The following UBE3A variants were observed in gnomAD, a reference collection of about 807,000 sequenced individuals.
UBE3A encodes the protein ubiquitin protein ligase E3A.
UBE3A carries 6 observed loss-of-function variants against 83.4 expected under a neutral mutation model. The ratio of observed to expected loss-of-function variants is 0.07; its 90% CI spans 0.04 to 0.14. UBE3A has a LOEUF of 0.14. Among genes scored for constraint, UBE3A ranks in the 10% least tolerant of loss-of-function variants. The pLI is 1.00. For synonymous variants in UBE3A, 337 were observed against 355.4 expected, an observed-to-expected ratio of 0.95 and a Z score of 0.58; for missense variants, 456 against 1,036.1, an observed-to-expected ratio of 0.44 and a Z score of 7.69.
chr15:25,415,787 A>T (rs2090775340), intron 1 of UBE3A: 1 of 148,160 alleles, frequency 6.7e-6, no homozygotes, highest in South Asian at 2.1e-4. Context: ...CATCTCTTCC[A>T]TATTTTACTT....
intron 4 of UBE3A, among the ~76,000 whole-genome samples, chr15:25,400,314 T>C (rs1384114349): frequency 2.0e-5 from 3 of 152,196 alleles, no homozygotes; most frequent in Admixed American, 1.3e-4. Context: ...GATGCTCAAG[T>C]CCATTATATA....
rs530054948 is a variant in UBE3A, at chr15:25,338,339, A to T, written c.*798T>A. ...AAACAACAACGAGAACAACAAGAAC[A>T]AAAATCCCTGTCCTTTCATATACTA... is the stretch of plus-strand genomic sequence containing the variant. On this transcript the variant is annotated 3_prime_UTR_variant, in exon 13 of 13. Transcript: ENST00000648336. 1 of 149,818 alleles carries T rather than the reference A, an allele frequency of 6.7e-6. No homozygotes were observed. Among genetic ancestry groups the T allele is most frequent in the Admixed American group, 7.0e-5 (1 of 14,210 alleles). 9.3% of individuals were successfully genotyped at this position (149,818 alleles called of 1,614,324 possible).
chr15:25,367,255 TTG>T (rs2079418378), intron 6 of UBE3A, among the ~76,000 whole-genome samples: 1 of 79,468 alleles, frequency 1.3e-5, no homozygotes, highest in Admixed American at 1.2e-4. Context: ...ATTTGCATAT[TTG>T]TAAATATGTA....
chr15:25,344,901 T>C (rs943178429), intron 11 of UBE3A, among the ~76,000 whole-genome samples: 1 of 152,176 alleles, frequency 6.6e-6, no homozygotes, highest in East Asian at 1.9e-4. Context: ...GAAAATCAGG[T>C]GAAGGGCAGG....
intron 11 of UBE3A, among the ~76,000 whole-genome samples, chr15:25,343,566 C>T (rs2075215822): frequency 6.6e-6 from 1 of 151,876 alleles, no homozygotes; most frequent in African/African-American, 2.4e-5. Context: ...AATTAAAAAA[C>T]AAAGAAAATG....
intron 11 of UBE3A, among the ~76,000 whole-genome samples, chr15:25,341,766 A>G (rs1431448698): frequency 6.7e-6 from 1 of 148,832 alleles, no homozygotes; most frequent in Non-Finnish European, 1.5e-5. Flanking sequence ...TCTCAAAAAA[A>G]AAAAAAAATT....
Position 25,439,011 on chromosome 15 carries a change from A to T in UBE3A, c.-687T>A, listed in dbSNP as rs997118487. 2 of 151,968 alleles carry T rather than the reference A, an allele frequency of 1.3e-5. No homozygotes were observed. The highest frequency in any genetic ancestry group is 4.8e-5 in the African/African-American group (2 of 41,384). The allele number at this position is 151,968 out of a possible 1,614,324, so 9.4% of individuals were successfully genotyped here. On this transcript the variant is annotated 5_prime_UTR_variant, in exon 1 of 13. Transcript: ENST00000648336. ...CACACGGATCTCGCGGCCGCGGCGCAAGACGGGAGGACTGGCTGGGCGGGC... is the reference window on the plus strand; with the variant it reads ...CACACGGATCTCGCGGCCGCGGCGCTAGACGGGAGGACTGGCTGGGCGGGC...
chr15:25,393,488 CTT>C (rs888397835), intron 4 of UBE3A, among the ~76,000 whole-genome samples: 9 of 152,114 alleles, frequency 5.9e-5, no homozygotes, highest in African/African-American at 4.8e-5. Flanking sequence ...TTGTTAATCT[CTT>C]TTGGGTTTGA....
intron 1 of UBE3A, among the ~76,000 whole-genome samples, chr15:25,424,365 T>C (rs1205064255): frequency 6.6e-6 from 1 of 152,272 alleles, no homozygotes; most frequent in Admixed American, 6.5e-5. Context: ...ACCATTTCAG[T>C]GAAGTTTTCT....
intron 5 of UBE3A, among the ~76,000 whole-genome samples, chr15:25,372,068 T>G (rs2080384157): frequency 6.6e-6 from 1 of 152,172 alleles, no homozygotes; most frequent in South Asian, 2.1e-4. Context: ...TAACTCTTAA[T>G]AAGATCATGA....
intron 1 of UBE3A, among the ~76,000 whole-genome samples, chr15:25,420,186 A>C (rs1431517066): frequency 6.6e-6 from 1 of 152,174 alleles, no homozygotes; most frequent in African/African-American, 2.4e-5. Flanking sequence ...GCAAAAATTA[A>C]TCATAAGAAA....
chr15:25,405,368 A>T, intron 4 of UBE3A, 93 bp downstream of exon 4: 1 of 1,419,876 alleles, frequency 7.0e-7, no homozygotes, highest in Non-Finnish European at 9.9e-7. Context: ...CCTTTCTTTT[A>T]ACCAGAAATT....
At chr15:25,409,067 T>A (rs1266423451) in intron 3 of UBE3A, 21 bp downstream of exon 3, 2 of 1,581,022 alleles carry the variant, frequency 1.3e-6, no homozygotes, top group Non-Finnish European at 1.7e-6. Flanking sequence ...TTTTAAAGGC[T>A]GTAAAATAAT....
At chr15:25,427,919 A>T (rs1412873761) in intron 1 of UBE3A, among the ~76,000 whole-genome samples, 1 of 152,072 alleles carries the variant, frequency 6.6e-6, no homozygotes, top group Non-Finnish European at 1.5e-5. Flanking sequence ...TAAGAATAAA[A>T]CCCTGTAATT....
chr15:25,348,190 TG>T (rs2152575184), intron 11 of UBE3A, among the ~76,000 whole-genome samples: 1 of 151,868 alleles, frequency 6.6e-6, no homozygotes, highest in East Asian at 1.9e-4. Context: ...TCAAAATAAA[TG>T]AAACAAAACC....
At chr15:25,393,361 TTTATA>T (rs764558699) in intron 4 of UBE3A, among the ~76,000 whole-genome samples, 46 of 152,302 alleles carry the variant, frequency 3.0e-4, no homozygotes, top group African/African-American at 8.9e-4. Flanking sequence ...AAGTGATTTA[TTTATA>T]TTATATCACT....
chr15:25,371,993 T>C lies in UBE3A; in HGVS notation c.362-181A>G, dbSNP rs1278861478. Among the ~76,000 whole-genome samples, 1 of 152,184 alleles carries C rather than the reference T, an allele frequency of 6.6e-6. No individual in the cohort carries two copies. Among genetic ancestry groups the C allele is most frequent in the Non-Finnish European group, 1.5e-5 (1 of 68,022 alleles). On this transcript the variant is annotated intron_variant, in intron 5 of 12. Coordinates refer to ENST00000648336, the MANE Select transcript of UBE3A (RefSeq NM_130839.5). This position sits in a 1 kb window ranked among gnomAD's most constrained non-coding sequence, Gnocchi z 5.3. ...ACAAAATTTAATGCTTACCTATTTT[T>C]TTCAATGAACTACCTACCTATACCA...
At position 25,334,086 on chromosome 15, in the gene UBE3A, G is replaced by T. The variant is rs2073848517; in HGVS notation, c.*5051C>A. 1 of 152,028 alleles carries T rather than the reference G, an allele frequency of 6.6e-6. No individual in the cohort carries two copies. Among genetic ancestry groups the T allele is most frequent in the Non-Finnish European group, 1.5e-5 (1 of 68,028 alleles). The allele number at this position is 152,028 out of a possible 1,614,324, so 9.4% of individuals were successfully genotyped here. A position where few individuals can be genotyped will look rare whatever the true frequency, so the allele number is the denominator to read the frequency against. ...TTCTATCCAATATTGTACTGGAGGTGCTAGCCAGCACACTAAGGCAAGAAA... is the reference window on the plus strand; with the variant it reads ...TTCTATCCAATATTGTACTGGAGGTTCTAGCCAGCACACTAAGGCAAGAAA... On this transcript the variant is annotated 3_prime_UTR_variant, in exon 13 of 13. Transcript: ENST00000648336.
intron 4 of UBE3A, among the ~76,000 whole-genome samples, chr15:25,402,188 T>C (rs1251398017): frequency 6.6e-6 from 1 of 152,206 alleles, no homozygotes; most frequent in Non-Finnish European, 1.5e-5. Flanking sequence ...AGTGACTTTA[T>C]TGGGTAAAGC....
Sources: gnomAD v4.1 joint callset for allele counts (sites outside exome capture counted in the v4.1 genomes callset) on GRCh38, gnomAD v4.1.1 for gene constraint, Gnocchi (gnomAD v3.1) non-coding constraint, MANE v1.5 for transcripts, NCBI Gene and HGNC (gene_info 2026-07-23, HGNC 2026-07-21) for gene names.